FLT1: variants seen among roughly 807,000 people sequenced by gnomAD.
The protein encoded by FLT1 is vascular endothelial growth factor receptor 1.
A neutral mutation model predicts 156.3 loss-of-function variants in FLT1; 49 were observed. The observed-to-expected ratio is 0.31, with a 90% CI of 0.25 to 0.40. FLT1 has a LOEUF of 0.40. FLT1 is among the 10% of genes least tolerant of loss of function. FLT1 has a pLI of 1.00. For missense variants in FLT1, 1,322 were observed against 1,637.2 expected (o/e 0.81, Z 3.32); for synonymous variants, 594 against 583.8 (o/e 1.02, Z -0.25).
At chr13:28,319,294 C>T in intron 24 of FLT1, 129 bp downstream of exon 24, 3 of 696,760 alleles carry the variant, frequency 4.3e-6, no homozygotes, top group Non-Finnish European at 7.9e-6. Flanking sequence ...CTACATGGGC[C>T]CATTACACTT....
chr13:28,476,625 T>C (rs542980735), intron 1 of FLT1, among the ~76,000 whole-genome samples: 15 of 152,330 alleles, frequency 9.8e-5, no homozygotes, highest in African/African-American at 3.6e-4. Context: ...GGTTTTGCCA[T>C]TCTAAGTAAT....
intron 11 of FLT1, among the ~76,000 whole-genome samples, chr13:28,401,958 G>T (rs1328108581): frequency 6.6e-6 from 1 of 152,082 alleles, no homozygotes; most frequent in South Asian, 2.1e-4. Flanking sequence ...CTAACACGGG[G>T]TTCCTTCTAC....
At chr13:28,306,304 G>C (rs186246597) in intron 29 of FLT1, among the ~76,000 whole-genome samples, 1 of 152,282 alleles carries the variant, frequency 6.6e-6, no homozygotes, top group Non-Finnish European at 1.5e-5. Context: ...GTGTCTCCTC[G>C]TGTATGAACC....
chr13:28,320,320 T>A (rs1448059233), intron 23 of FLT1, among the ~76,000 whole-genome samples: 1 of 152,196 alleles, frequency 6.6e-6, no homozygotes, highest in East Asian at 1.9e-4. Context: ...TTTATTTTTT[T>A]ATTTTTACAA....
At chr13:28,347,261 G>T (rs532833537) in intron 15 of FLT1, among the ~76,000 whole-genome samples, 1 of 151,752 alleles carries the variant, frequency 6.6e-6, no homozygotes, top group Admixed American at 6.6e-5. Flanking sequence ...GATGGCACAC[G>T]CCTGTAATCC....
intron 27 of FLT1, among the ~76,000 whole-genome samples, chr13:28,309,383 G>A (rs1382367694): frequency 6.6e-6 from 1 of 151,288 alleles, no homozygotes; most frequent in Non-Finnish European, 1.5e-5. Context: ...CGCCAGGCTT[G>A]TATTTTGTGT....
At chr13:28,473,733 G>A (rs9550376) in intron 1 of FLT1, among the ~76,000 whole-genome samples, 6,477 of 45,942 alleles carry the variant, frequency 0.14, 347 homozygotes, top group Middle Eastern at 0.21. Flanking sequence ...AAAGAAAGAA[G>A]GAAGGAAGGA....
chr13:28,348,852 T>C (rs910158769), intron 15 of FLT1, among the ~76,000 whole-genome samples: 2 of 150,982 alleles, frequency 1.3e-5, no homozygotes, highest in East Asian at 3.9e-4. Flanking sequence ...GAGGTTGCAG[T>C]GAGCCGAGAT....
chr13:28,422,159 T>C (rs1226128324), intron 10 of FLT1, among the ~76,000 whole-genome samples: 2 of 152,236 alleles, frequency 1.3e-5, no homozygotes, highest in Non-Finnish European at 2.9e-5. Flanking sequence ...TATATTTAGA[T>C]TGAATATCAG....
intron 8 of FLT1, among the ~76,000 whole-genome samples, 169 bp from the exon 9 acceptor site, chr13:28,428,090 T>C (rs1478254953): frequency 6.6e-6 from 1 of 152,204 alleles, no homozygotes; most frequent in Non-Finnish European, 1.5e-5. Flanking sequence ...GCAGATATGA[T>C]TTTTAGACTG....
At chr13:28,488,796 G>C (rs1881317170) in intron 1 of FLT1, among the ~76,000 whole-genome samples, 1 of 152,196 alleles carries the variant, frequency 6.6e-6, no homozygotes, top group Non-Finnish European at 1.5e-5. Context: ...AGACCAGTGT[G>C]GTCCTGTAAC....
intron 1 of FLT1, among the ~76,000 whole-genome samples, chr13:28,480,185 T>C (rs535587582): frequency 7.9e-5 from 12 of 152,324 alleles, no homozygotes; most frequent in African/African-American, 2.9e-4. Flanking sequence ...TCCTGGTTTT[T>C]CCCCTCACTA....
intron 20 of FLT1, among the ~76,000 whole-genome samples, chr13:28,323,362 G>A (rs932063436): frequency 1.3e-5 from 2 of 152,154 alleles, no homozygotes; most frequent in African/African-American, 4.8e-5. Flanking sequence ...CTAATAAATA[G>A]CAAAGCTGGC....
At chr13:28,339,108 T>G in intron 17 of FLT1, 60 bp downstream of exon 17, 2 of 1,519,674 alleles carry the variant, frequency 1.3e-6, no homozygotes, top group Non-Finnish European at 1.8e-6. Flanking sequence ...CAAAGCACAG[T>G]GTTTTTCATG....
At chr13:28,339,652 C>A (rs1872255202) in intron 16 of FLT1, among the ~76,000 whole-genome samples, 1 of 152,120 alleles carries the variant, frequency 6.6e-6, no homozygotes, top group African/African-American at 2.4e-5. Context: ...TCATTCCAAA[C>A]AATGACTAAA....
intron 18 of FLT1, among the ~76,000 whole-genome samples, chr13:28,333,807 G>T (rs1878176040): frequency 6.6e-6 from 1 of 152,120 alleles, no homozygotes; most frequent in Non-Finnish European, 1.5e-5. Flanking sequence ...ATTTTCCTAT[G>T]GACAGTGCTG....
At chr13:28,405,019 C>CAA (rs762428024) in intron 11 of FLT1, among the ~76,000 whole-genome samples, 61 of 94,664 alleles carry the variant, frequency 6.4e-4, no homozygotes, top group African/African-American at 1.8e-3. Context: ...GACTCCATCT[C>CAA]AAAAAAAAAA....
At position 28,311,715 on chromosome 13, in the gene FLT1, G is replaced by C. The variant is rs751909538; in HGVS notation, c.3510C>G (p.Ile1170Met). The C allele has an allele frequency of 6.2e-6, 10 of 1,613,828 alleles. No homozygotes were observed. Among genetic ancestry groups the C allele is most frequent in the Non-Finnish European group, 8.5e-6 (10 of 1,179,930 alleles). ...TTCCTGTCAGTATGGCATTGATTGGGATGTAGTCTTTACCATCCTAAAATA... is the reference window on the plus strand; with the variant it reads ...TTCCTGTCAGTATGGCATTGATTGGCATGTAGTCTTTACCATCCTAAAATA... Reference protein sequence around the residue: ...ANVQQDGKDYIPINAILTGNS... With the variant: ...ANVQQDGKDYMPINAILTGNS... Residue 1170 changes from isoleucine (I) to methionine (M), a missense_variant, in exon 27 of 30, where the codon ATC (isoleucine) becomes ATG (methionine). Ile to Met is a conservative substitution (Grantham distance 10). Transcript: ENST00000282397.
At chr13:28,305,443 A>C (rs1329955523) in intron 29 of FLT1, among the ~76,000 whole-genome samples, 1 of 152,114 alleles carries the variant, frequency 6.6e-6, no homozygotes, top group African/African-American at 2.4e-5. Context: ...CCCGGGCTCA[A>C]GTGATCCACC....
Sources: allele counts gnomAD v4.1 joint callset (sites outside exome capture counted in the v4.1 genomes callset), GRCh38; gene constraint gnomAD v4.1.1; transcripts MANE v1.5; gene names NCBI Gene and HGNC (gene_info 2026-07-23, HGNC 2026-07-21).